SYT9: variants seen among roughly 807,000 people sequenced by gnomAD.
SYT9 encodes the protein synaptotagmin 9, also known as synaptotagmin-9.
A neutral mutation model predicts 48.4 loss-of-function variants in SYT9; 22 were observed. The observed-to-expected ratio is 0.45, with a 90% CI of 0.32 to 0.65. The LOEUF (loss-of-function observed/expected upper bound fraction) is 0.65. Among genes scored for constraint, SYT9 ranks in the 30% least tolerant of loss-of-function variants. The probability of loss-of-function intolerance (pLI) is 0.03; values close to 1 mark genes in which losing one functional copy is unlikely to be tolerated. For synonymous variants in SYT9, 265 were observed against 245.0 expected, an observed-to-expected ratio of 1.08 and a Z score of -0.76; for missense variants, 577 against 622.0, an observed-to-expected ratio of 0.93 and a Z score of 0.77.
rs745863838 is a variant in SYT9 at position 7,313,650 on chromosome 11, C to T, written c.753C>T (p.Asp251=). ...AAGCTGTCAATTTGCCCGCCAAGGA[C>T]TTTTCTGGGACTTCAGATCCTTATG... is the stretch of plus-strand genomic sequence containing the variant. ...IHKAVNLPAK[D]FSGTSDPYVK... is the part of the protein sequence containing the mutation. The change falls in exon 3 of 7, where the codon GAC becomes GAT. Residue 251 remains aspartate (D), a synonymous_variant. Coordinates refer to ENST00000318881, the MANE Select transcript of SYT9 (RefSeq NM_175733.4). The T allele has an allele frequency of 1.5e-5, 24 of 1,614,056 alleles. No homozygotes were observed. In the Admixed American group the frequency reaches 3.8e-4, roughly 26 times the overall value.
chr11:7,390,401 T>C (rs1473873465), intron 3 of SYT9, among the ~76,000 whole-genome samples: 1 of 152,136 alleles, frequency 6.6e-6, no homozygotes, highest in African/African-American at 2.4e-5. Context: ...CTTAATGACA[T>C]ACTCAAGCAA....
chr11:7,335,470 C>T (rs1849616601), intron 3 of SYT9, among the ~76,000 whole-genome samples: 1 of 152,076 alleles, frequency 6.6e-6, no homozygotes, highest in Non-Finnish European at 1.5e-5. Flanking sequence ...CTCCTCCCAC[C>T]CTCCACCCCC....
At chr11:7,402,775 A>G (rs1454694672) in intron 3 of SYT9, among the ~76,000 whole-genome samples, 2 of 152,136 alleles carry the variant, frequency 1.3e-5, no homozygotes, top group African/African-American at 4.8e-5. Flanking sequence ...TTGTTATCCA[A>G]TCTGACCATT....
At chr11:7,420,727 A>T (rs1418228761) in intron 6 of SYT9, 92 bp downstream of exon 6, 106 of 1,505,004 alleles carry the variant, frequency 7.0e-5, no homozygotes, top group Non-Finnish European at 1.8e-6. Flanking sequence ...GTGCACCAGG[A>T]TCTATGGTCA....
At chr11:7,313,993 G>A (rs1162605436) in intron 3 of SYT9, 52 bp downstream of exon 3, 1 of 1,559,184 alleles carries the variant, frequency 6.4e-7, no homozygotes, top group South Asian at 1.2e-5. Context: ...TGGTTAGCAA[G>A]GAAACAGATT....
chr11:7,283,428 A>G (rs1025057054), intron 1 of SYT9, among the ~76,000 whole-genome samples: 17 of 152,132 alleles, frequency 1.1e-4, no homozygotes, highest in African/African-American at 3.6e-4. Flanking sequence ...ACTTTAAGGA[A>G]ATGCAAGTTG....
In SYT9 at chr11:7,251,933, C is replaced by T. The variant is rs1343595606; in HGVS notation, c.-254C>T. ...TGGGCTGTGCGGCACCGCCTCTCCT[C>T]GGTGTCTGGGGAGGGACGGAGGGAC... On this transcript the variant is annotated 5_prime_UTR_variant, in exon 1 of 7. Transcript: ENST00000318881. The T allele has an allele frequency of 7.5e-6, 3 of 399,834 alleles. No individual in the cohort carries two copies. In the South Asian group the frequency reaches 2.0e-4, roughly 27 times the overall value. The allele number at this position is 399,834 out of a possible 1,614,324, so 24.8% of individuals were successfully genotyped here.
intron 2 of SYT9, among the ~76,000 whole-genome samples, chr11:7,308,065 C>CT (rs1849064310): frequency 6.6e-6 from 1 of 152,220 alleles, no homozygotes; most frequent in Non-Finnish European, 1.5e-5. Flanking sequence ...CTAACTGTGT[C>CT]TGTCCCTATC....
At chr11:7,251,132 A>ACACCCACC (rs146134507), upstream of SYT9, among the ~76,000 whole-genome samples, 526 of 127,950 alleles carry the variant, frequency 4.1e-3, 8 homozygotes, top group African/African-American at 0.013. Flanking sequence ...ACACACACAC[A>ACACCCACC]CCCAGAGTAC....
Position 7,465,911 on chromosome 11 carries a change from G to A in SYT9, c.1468-881G>A, listed in dbSNP as rs537103944. Reference sequence around the variant, plus strand: ...TTATTCACTATCACAAGAACAGCACGGGGAAGACCGGCCCCCATGATTCAA... The same window carrying A: ...TTATTCACTATCACAAGAACAGCACAGGGAAGACCGGCCCCCATGATTCAA... On this transcript the variant is annotated intron_variant, in intron 6 of 6. Transcript: ENST00000318881. The A allele has an allele frequency of 2.9e-3, 438 of 153,254 alleles. 4 individuals are homozygous for A. Among genetic ancestry groups the A allele is most frequent in the Non-Finnish European group, 5.0e-3 (346 of 68,740 alleles). The allele number at this position is 153,254 out of a possible 1,614,324, so 9.5% of individuals were successfully genotyped here.
At chr11:7,461,908 T>C (rs1714533248) in intron 6 of SYT9, among the ~76,000 whole-genome samples, 6 of 152,228 alleles carry the variant, frequency 3.9e-5, no homozygotes, top group Admixed American at 3.9e-4. Flanking sequence ...TAGCCTTTGC[T>C]TCTTGATTGT....
chr11:7,391,963 GT>G (rs924857946), intron 3 of SYT9, among the ~76,000 whole-genome samples: 55 of 150,038 alleles, frequency 3.7e-4, no homozygotes, highest in African/African-American at 6.1e-4. Flanking sequence ...TTCTAATGAG[GT>G]TTTTTTTTCT....
chr11:7,402,129 AATATCTGGAGATTTTC>A (rs1846905935), intron 3 of SYT9, among the ~76,000 whole-genome samples: 1 of 152,030 alleles, frequency 6.6e-6, no homozygotes, highest in Non-Finnish European at 1.5e-5. Context: ...TTAATTTCTA[AATATCTGGAGATTTTC>A]CAGATGTCTA....
At chr11:7,285,250 A>G (rs1339362518) in intron 1 of SYT9, among the ~76,000 whole-genome samples, 1 of 152,248 alleles carries the variant, frequency 6.6e-6, no homozygotes, top group African/African-American at 2.4e-5. Context: ...ATTGACTCAC[A>G]GTTCCACAGG....
At chr11:7,383,132 G>A (rs1034039073) in intron 3 of SYT9, among the ~76,000 whole-genome samples, 4 of 152,154 alleles carry the variant, frequency 2.6e-5, no homozygotes, top group African/African-American at 9.7e-5. Flanking sequence ...AACTATTAAC[G>A]TCGTCCATGT....
intron 3 of SYT9, among the ~76,000 whole-genome samples, chr11:7,394,949 A>G (rs1362036248): frequency 6.6e-6 from 1 of 152,154 alleles, no homozygotes; most frequent in African/African-American, 2.4e-5. Context: ...GACATTCAGG[A>G]GCAAGTTGTT....
intron 3 of SYT9, among the ~76,000 whole-genome samples, chr11:7,319,171 T>TTTC (rs1554905567): frequency 2.8e-5 from 4 of 143,312 alleles, no homozygotes; most frequent in Non-Finnish European, 6.0e-5. Flanking sequence ...TTCTTCTTTT[T>TTTC]TTTTTTCTTT....
At chr11:7,257,638 A>G (rs866094440) in intron 1 of SYT9, among the ~76,000 whole-genome samples, 18 of 152,312 alleles carry the variant, frequency 1.2e-4, no homozygotes, top group South Asian at 4.1e-4. Flanking sequence ...CTGGATGTTT[A>G]TGAATAGACC....
At chr11:7,412,125 T>G (rs1332513000) in intron 3 of SYT9, among the ~76,000 whole-genome samples, 1 of 152,226 alleles carries the variant, frequency 6.6e-6, no homozygotes, top group African/African-American at 2.4e-5. Flanking sequence ...CAAAATTATC[T>G]TGTTTGCTGA....
Sources: allele counts gnomAD v4.1 joint callset (sites outside exome capture counted in the v4.1 genomes callset), GRCh38; gene constraint gnomAD v4.1.1; transcripts MANE v1.5; gene names NCBI Gene and HGNC (gene_info 2026-07-23, HGNC 2026-07-21).